The following CSMD2 variants were observed in gnomAD, a reference collection of about 807,000 sequenced individuals.
CSMD2 encodes the protein CUB and Sushi multiple domains 2.
A neutral mutation model predicts 398.5 loss-of-function variants in CSMD2; 130 were observed. The ratio of observed to expected loss-of-function variants is 0.33; its 90% CI spans 0.28 to 0.38. The LOEUF is 0.38. CSMD2 is among the 10% of genes least tolerant of loss of function. The pLI, the probability that CSMD2 is intolerant of heterozygous loss-of-function variation, is 1.00. For synonymous variants in CSMD2, 1,828 were observed against 1,908.5 expected, an observed-to-expected ratio of 0.96 and a Z score of 1.10; for missense variants, 3,829 against 4,764.9, an observed-to-expected ratio of 0.80 and a Z score of 5.78.
intron 5 of CSMD2, 75 bp downstream of exon 5, chr1:33,918,019 G>A (rs1643813356): frequency 2.9e-6 from 4 of 1,386,438 alleles, no homozygotes; most frequent in Non-Finnish European, 4.0e-6. Flanking sequence ...TCCAGGCACT[G>A]AGGAGACTGC....
chr1:33,631,966 T>C (rs767066138), intron 32 of CSMD2, among the ~76,000 whole-genome samples: 11 of 152,054 alleles, frequency 7.2e-5, no homozygotes, highest in Non-Finnish European at 1.0e-4. Flanking sequence ...ATTATAGTGT[T>C]ATAATAATTA....
chr1:33,777,427 A>C (rs1453157939), intron 12 of CSMD2, among the ~76,000 whole-genome samples: 2 of 152,134 alleles, frequency 1.3e-5, no homozygotes, highest in Admixed American at 6.5e-5. Flanking sequence ...CCAAGCTCAG[A>C]GTCAACTCCT....
chr1:34,163,244 C>T lies in CSMD2; in HGVS notation c.187+1667G>A, dbSNP rs72888141. Among the ~76,000 whole-genome samples the T allele has an allele frequency of 0.014, 2,201 of 152,364 alleles. 64 individuals are homozygous for T. The highest frequency in any genetic ancestry group is 0.05 in the African/African-American group (2,078 of 41,586). On this transcript the variant is annotated intron_variant, in intron 1 of 70. Coordinates refer to ENST00000373381, the MANE Select transcript of CSMD2 (RefSeq NM_001281956.2). This position sits in a 1 kb window ranked among gnomAD's most constrained non-coding sequence, Gnocchi z 5.4. ...GGAGGTAGCAGCGATTCCCCCACCG[C>T]CCATGTGGCAAGTCTGGGTGACCAG...
chr1:34,001,537 A>C (rs753622376), intron 3 of CSMD2, among the ~76,000 whole-genome samples: 49 of 152,234 alleles, frequency 3.2e-4, no homozygotes, highest in Non-Finnish European at 5.4e-4. Flanking sequence ...TGAAGTTGTC[A>C]TTTACATATT....
chr1:33,620,237 T>G (rs1442317764), intron 37 of CSMD2, among the ~76,000 whole-genome samples: 1 of 152,252 alleles, frequency 6.6e-6, no homozygotes, highest in African/African-American at 2.4e-5. Context: ...TTATGAATCA[T>G]AGCAGTGGAT....
intron 25 of CSMD2, among the ~76,000 whole-genome samples, chr1:33,677,180 AG>A: frequency 6.6e-6 from 1 of 152,320 alleles, no homozygotes; most frequent in East Asian, 1.9e-4. Flanking sequence ...GGCAACCTAC[AG>A]AATGGGAGAA....
chr1:33,719,651 G>T (rs1046813690), intron 19 of CSMD2, among the ~76,000 whole-genome samples: 1 of 152,158 alleles, frequency 6.6e-6, no homozygotes, highest in African/African-American at 2.4e-5. Flanking sequence ...AGTGGAAAAG[G>T]CATGGACTTG....
At chr1:33,995,297 G>A (rs487658) in intron 3 of CSMD2, among the ~76,000 whole-genome samples, 3,815 of 152,262 alleles carry the variant, frequency 0.025, 157 homozygotes, top group African/African-American at 0.085. Context: ...GTATATGCAC[G>A]TGGGGTCTTT....
intron 27 of CSMD2, among the ~76,000 whole-genome samples, chr1:33,655,382 C>A (rs1191577988): frequency 6.6e-6 from 1 of 152,204 alleles, no homozygotes; most frequent in Non-Finnish European, 1.5e-5. Flanking sequence ...ATGAGCCAGG[C>A]ACAGTTCTTA....
At chr1:33,734,533 T>C (rs1158691988) in intron 15 of CSMD2, among the ~76,000 whole-genome samples, 1 of 152,036 alleles carries the variant, frequency 6.6e-6, no homozygotes, top group Non-Finnish European at 1.5e-5. Flanking sequence ...AAGCCTGTAA[T>C]CCCCGCATTT....
At chr1:33,780,174 A>G (rs892927695) in intron 12 of CSMD2, among the ~76,000 whole-genome samples, 2 of 152,144 alleles carry the variant, frequency 1.3e-5, no homozygotes, top group East Asian at 3.9e-4. Flanking sequence ...TCCAGAACCA[A>G]GCCCAGTGCC....
At chr1:33,764,640 G>A (rs545940010) in intron 13 of CSMD2, among the ~76,000 whole-genome samples, 1 of 152,324 alleles carries the variant, frequency 6.6e-6, no homozygotes, top group South Asian at 2.1e-4. Flanking sequence ...ATTAAGCAGA[G>A]GAAGCTCACA....
chr1:33,647,945 A>G (rs653470), intron 28 of CSMD2, among the ~76,000 whole-genome samples: 9,373 of 152,318 alleles, frequency 0.062, 399 homozygotes, highest in East Asian at 0.14. Flanking sequence ...GCACTAACGA[A>G]AGCCAACACC....
intron 5 of CSMD2, among the ~76,000 whole-genome samples, chr1:33,901,340 C>T (rs1389510912): frequency 6.6e-6 from 1 of 152,184 alleles, no homozygotes; most frequent in African/African-American, 2.4e-5. Context: ...ACTCTAAGAT[C>T]TCAGAGGCTA....
rs772435634 is a variant in CSMD2 at position 33,819,736 on chromosome 1, C to T, written c.1301G>A (p.Ser434Asn). Residue 434 changes from serine (S) to asparagine (N), a missense_variant, in exon 9 of 71, where the codon AGC becomes AAC. Around this residue, in one of 5 missense-constraint regions of CSMD2, gnomAD observed 2,001 missense variants for 2,567.1 expected, o/e 0.78. Transcript: ENST00000373381. ...MKVSDMFAAW[S>N]DHRPVCRARM... is the part of the protein sequence containing the mutation. ...ACCTCGGCAGACTGGCCTGTGGTCG[C>T]TCCAGGCCGCAAACATGTCGCTCAC... 7 of 1,613,628 alleles carry T rather than the reference C, an allele frequency of 4.3e-6. No homozygotes were observed. The African/African-American group carries it at 9.3e-5, about 22-fold the overall frequency.
chr1:33,538,750 G>A (rs571131533), intron 60 of CSMD2, among the ~76,000 whole-genome samples: 2 of 152,152 alleles, frequency 1.3e-5, no homozygotes, highest in African/African-American at 2.4e-5. Flanking sequence ...AGTAATGAGC[G>A]ATCTTTTAAA....
rs753661362 is a variant in CSMD2, at chr1:33,739,163, T to C, written c.2345A>G (p.Asn782Ser). The C allele has an allele frequency of 3.5e-5, 57 of 1,613,820 alleles. No homozygotes were observed. The highest frequency in any genetic ancestry group is 3.3e-4 in the Middle Eastern group (2 of 6,056). Residue 782 changes from asparagine to serine, a missense_variant, in exon 15 of 71, where the codon AAC (asparagine) becomes AGC (serine). Transcript: ENST00000373381. ...ACCTTCACACCGCAGCACAGCGCTG[T>C]TCCAGACCACGCTGCCCTCCTTCAG... is the stretch of plus-strand genomic sequence containing the variant. ...CVLKEGSVVW[N>S]SAVLRCEAPC...
chr1:33,742,748 G>A (rs1203769481), intron 14 of CSMD2, among the ~76,000 whole-genome samples: 3 of 152,282 alleles, frequency 2.0e-5, no homozygotes, highest in South Asian at 2.1e-4. Context: ...GTTGTCCCCA[G>A]TAAGTCTGGG....
intron 1 of CSMD2, among the ~76,000 whole-genome samples, chr1:34,143,952 C>T (rs1006599067): frequency 3.3e-5 from 5 of 152,158 alleles, no homozygotes; most frequent in African/African-American, 1.2e-4. Context: ...CCTAACAATC[C>T]ACCTAGTTGA....
Sources: gnomAD v4.1 joint callset for allele counts (sites outside exome capture counted in the v4.1 genomes callset) on GRCh38, gnomAD v4.1.1 for gene constraint, gnomAD v4.1.1 regional missense constraint, Gnocchi (gnomAD v3.1) non-coding constraint, MANE v1.5 for transcripts, NCBI Gene and HGNC (gene_info 2026-07-23, HGNC 2026-07-21) for gene names.